The following GRHL2 variants were observed in gnomAD, a reference collection of about 807,000 sequenced individuals.
GRHL2 encodes the protein grainyhead-like protein 2 homolog.
A neutral mutation model predicts 83.8 loss-of-function variants in GRHL2; 21 were observed. That is an observed-to-expected ratio of 0.25 (90% CI 0.18 to 0.36). GRHL2 has a LOEUF of 0.36. GRHL2 is among the 10% of genes least tolerant of loss of function. GRHL2 has a pLI of 1.00. For synonymous variants in GRHL2, 280 were observed against 278.9 expected (o/e 1.00, Z -0.04); for missense variants, 623 against 781.8 (o/e 0.80, Z 2.42).
At chr8:101,655,446 C>T (rs1414533067) in intron 14 of GRHL2, among the ~76,000 whole-genome samples, 1 of 152,176 alleles carries the variant, frequency 6.6e-6, no homozygotes, top group East Asian at 1.9e-4. Context: ...GAACTCTTGA[C>T]CACAACAAAG....
chr8:101,592,367 T>G (rs1347297220), intron 7 of GRHL2, among the ~76,000 whole-genome samples: 1 of 152,170 alleles, frequency 6.6e-6, no homozygotes, highest in Non-Finnish European at 1.5e-5. Context: ...CCTCCCAAGT[T>G]GCTGGGATTA....
intron 8 of GRHL2, among the ~76,000 whole-genome samples, chr8:101,611,137 C>G (rs2130347090): frequency 6.6e-6 from 1 of 151,038 alleles, no homozygotes; most frequent in Non-Finnish European, 1.5e-5. Context: ...CCCATTCATC[C>G]CGGGATTAGT....
chr8:101,538,031 GA>G (rs1488302133), intron 1 of GRHL2, among the ~76,000 whole-genome samples: 1 of 152,186 alleles, frequency 6.6e-6, no homozygotes, highest in Non-Finnish European at 1.5e-5. Flanking sequence ...CCCTGACCCG[GA>G]AGCAGATCAT....
rs1314693597 is a variant in GRHL2 at position 101,619,679 on chromosome 8, C to T, written c.1239C>T (p.Ile413=). ...CCATTCATAGAGCTTATTGCCAGATCAAGGTCTTCTGTGACAAAGTGAGTA... is the reference window on the plus strand; with the variant it reads ...CCATTCATAGAGCTTATTGCCAGATTAAGGTCTTCTGTGACAAAGTGAGTA... ...NKPIHRAYCQ[I]KVFCDKGAER... The change falls in exon 9 of 16, where the codon ATC becomes ATT. Residue 413 remains isoleucine (I), a synonymous_variant. Transcript: ENST00000646743. 2 of 1,612,462 alleles carry T rather than the reference C, an allele frequency of 1.2e-6. No homozygotes were observed. Among genetic ancestry groups the T allele is most frequent in the Non-Finnish European group, 1.7e-6 (2 of 1,178,642 alleles).
Position 101,619,688 on chromosome 8 carries a change from C to T in GRHL2, c.1248C>T (p.Phe416=). Reference sequence around the variant, plus strand: ...GAGCTTATTGCCAGATCAAGGTCTTCTGTGACAAAGTGAGTAAAGATGACA... The same window carrying T: ...GAGCTTATTGCCAGATCAAGGTCTTTTGTGACAAAGTGAGTAAAGATGACA... ...IHRAYCQIKV[F]CDKGAERKIR... The change falls in exon 9 of 16, where the codon TTC becomes TTT. Residue 416 remains phenylalanine, a synonymous_variant. Coordinates refer to ENST00000646743, the MANE Select transcript of GRHL2 (RefSeq NM_024915.4). 1 of 1,611,924 alleles carries T rather than the reference C, an allele frequency of 6.2e-7. No homozygotes were observed. The highest frequency in any genetic ancestry group is 8.5e-7 in the Non-Finnish European group (1 of 1,178,194).
chr8:101,612,579 T>A (rs1356198838), intron 8 of GRHL2, among the ~76,000 whole-genome samples: 1 of 150,176 alleles, frequency 6.7e-6, no homozygotes, highest in Non-Finnish European at 1.5e-5. Flanking sequence ...ATATTCATGC[T>A]GAATATATAG....
At chr8:101,643,972 T>C (rs1723892771) in intron 12 of GRHL2, among the ~76,000 whole-genome samples, 159 bp from the exon 13 acceptor site, 1 of 152,208 alleles carries the variant, frequency 6.6e-6, no homozygotes, top group Admixed American at 6.5e-5. Context: ...CAGGGATTGC[T>C]TGGGACCTGC....
intron 14 of GRHL2, among the ~76,000 whole-genome samples, chr8:101,655,309 A>C (rs1813763025): frequency 6.6e-6 from 1 of 152,250 alleles, no homozygotes; most frequent in South Asian, 2.1e-4. Context: ...GGTTCAAATC[A>C]TAACTGTGTA....
intron 7 of GRHL2, among the ~76,000 whole-genome samples, chr8:101,593,873 C>T (rs9642789): frequency 6.6e-6 from 1 of 151,692 alleles, no homozygotes. Flanking sequence ...CAAGACCAGC[C>T]TGGCCAACAT....
chr8:101,544,895 T>G (rs1218492442), intron 2 of GRHL2, among the ~76,000 whole-genome samples: 1 of 152,202 alleles, frequency 6.6e-6, no homozygotes, highest in Non-Finnish European at 1.5e-5. Context: ...AGAACAGTTC[T>G]CATGCTTTCA....
In GRHL2 at chr8:101,669,606, AAATGT is replaced by A. The variant is rs1814166372; in HGVS notation, c.*2906_*2910del. ...TCTCATGTTTTAAAAAAAAAAAGGT[AAATGT>A]AACTTAATAGTTTTGTAAATGGGAG... On this transcript the variant is annotated 3_prime_UTR_variant, in exon 16 of 16. Transcript: ENST00000646743. The A allele has an allele frequency of 6.6e-6, 1 of 152,614 alleles. No individual in the cohort carries two copies. The highest frequency in any genetic ancestry group is 1.5e-5 in the Non-Finnish European group (1 of 68,038). The allele number at this position is 152,614 out of a possible 1,614,324, so 9.5% of individuals were successfully genotyped here.
chr8:101,588,192 A>G (rs1228063500), intron 7 of GRHL2, among the ~76,000 whole-genome samples: 1 of 152,160 alleles, frequency 6.6e-6, no homozygotes. Flanking sequence ...TTCGCAGATA[A>G]GGCAGCCAGC....
intron 8 of GRHL2, among the ~76,000 whole-genome samples, chr8:101,612,281 T>G (rs528823751): frequency 6.6e-6 from 1 of 151,042 alleles, no homozygotes; most frequent in African/African-American, 2.5e-5. Flanking sequence ...TGAGCCACCA[T>G]GCCTGGCCTT....
chr8:101,534,672 A>G lies in GRHL2; in HGVS notation c.21-8569A>G, dbSNP rs547662519. Reference sequence around the variant, plus strand: ...GTGCAAGATGATGGTGGCTTGGACCAGGGTGCTAGCAGTGGAGGTAGTGAG... The same window carrying G: ...GTGCAAGATGATGGTGGCTTGGACCGGGGTGCTAGCAGTGGAGGTAGTGAG... On this transcript the variant is annotated intron_variant, in intron 1 of 15. Coordinates refer to ENST00000646743, the MANE Select transcript of GRHL2 (RefSeq NM_024915.4). Among the ~76,000 whole-genome samples, 4 of 152,166 alleles carry G rather than the reference A, an allele frequency of 2.6e-5. No individual in the cohort carries two copies. In the South Asian group the frequency reaches 8.3e-4, roughly 32 times the overall value.
chr8:101,677,372 G>A, the GRHL2 span, among the ~76,000 whole-genome samples: 3 of 151,946 alleles, frequency 2.0e-5, no homozygotes, highest in African/African-American at 7.3e-5. Context: ...TCAAGGCATT[G>A]GCTGTGAGCT....
In GRHL2 at chr8:101,667,876, A is replaced by G. The variant is rs1814108728; in HGVS notation, c.*1173A>G. ...CTCCCAGTTTACAAACACGCCCTTC[A>G]TCTCAAGTGGCCCTTTAAAAGGCCT... On this transcript the variant is annotated 3_prime_UTR_variant, in exon 16 of 16. Coordinates refer to ENST00000646743, the MANE Select transcript of GRHL2 (RefSeq NM_024915.4). The G allele has an allele frequency of 1.3e-5, 2 of 152,748 alleles. No homozygotes were observed. The highest frequency in any genetic ancestry group is 2.9e-5 in the Non-Finnish European group (2 of 68,152). 9.5% of individuals were successfully genotyped at this position (152,748 alleles called of 1,614,324 possible). A position where few individuals can be genotyped will look rare whatever the true frequency, so the allele number is the denominator to read the frequency against.
At chr8:101,580,017 G>T (rs1430500265) in intron 7 of GRHL2, among the ~76,000 whole-genome samples, 1 of 152,148 alleles carries the variant, frequency 6.6e-6, no homozygotes, top group Non-Finnish European at 1.5e-5. Flanking sequence ...CCGTGAAACT[G>T]GAGGTTAAAC....
chr8:101,550,556 TTAAA>T (rs1337162209), intron 2 of GRHL2, among the ~76,000 whole-genome samples: 1 of 152,238 alleles, frequency 6.6e-6, no homozygotes, highest in Non-Finnish European at 1.5e-5. Context: ...TGGGGTCTCC[TTAAA>T]TACTTACTTC....
chr8:101,558,652 A>G lies in GRHL2; in HGVS notation c.518A>G (p.His173Arg). The change falls in exon 4 of 16, where the codon CAC (histidine) becomes CGC (arginine). Residue 173 changes from histidine to arginine, a missense_variant. Physicochemically the swap from His to Arg is conservative, Grantham distance 29. This residue lies in a region of GRHL2 where 239 missense variants were observed against 240.5 expected (regional missense o/e 0.99). Coordinates refer to ENST00000646743, the MANE Select transcript of GRHL2 (RefSeq NM_024915.4). ...CCAGTTTTCATGGCCCCACCTGTGC[A>G]CTATCCCCGGGGAGATGGGGAAGAG... Reference protein sequence around the residue: ...FTPVFMAPPVHYPRGDGEEQR... With the variant: ...FTPVFMAPPVRYPRGDGEEQR... 1.2e-6 allele frequency: 2 copies of G among 1,614,164 alleles called. No individual in the cohort carries two copies. Among genetic ancestry groups the G allele is most frequent in the Non-Finnish European group, 1.7e-6 (2 of 1,180,020 alleles).
Sources: allele counts gnomAD v4.1 joint callset (sites outside exome capture counted in the v4.1 genomes callset), GRCh38; gene constraint gnomAD v4.1.1; regional missense constraint gnomAD v4.1.1; transcripts MANE v1.5; gene names NCBI Gene and HGNC (gene_info 2026-07-23, HGNC 2026-07-21).